The following EYS variants were observed in gnomAD, a reference collection of about 807,000 sequenced individuals.
EYS encodes protein eyes shut homolog.
EYS carries 250 observed loss-of-function variants against 282.1 expected under a neutral mutation model. The ratio of observed to expected loss-of-function variants is 0.89; its 90% CI spans 0.80 to 0.98. The LOEUF is 0.98. Among genes scored for constraint, EYS ranks in the 50% least tolerant of loss-of-function variants. The pLI is 0.00. For missense variants in EYS, 4,016 were observed against 3,709.0 expected, an observed-to-expected ratio of 1.08 and a Z score of -2.15; for synonymous variants, 1,355 against 1,282.9, an observed-to-expected ratio of 1.06 and a Z score of -1.20.
chr6:65,368,442 A>G (rs1765004780), intron 8 of EYS, among the ~76,000 whole-genome samples: 2 of 151,632 alleles, frequency 1.3e-5, no homozygotes, highest in Non-Finnish European at 2.9e-5. Context: ...TTTGCTGCCT[A>G]GGAAAGAACA....
At chr6:64,615,611 C>T (rs901601472) in intron 24 of EYS, among the ~76,000 whole-genome samples, 2 of 151,990 alleles carry the variant, frequency 1.3e-5, no homozygotes, top group Admixed American at 1.3e-4. Context: ...AATAACATTT[C>T]AATGTTAAAA....
chr6:65,410,177 T>C lies in EYS; in HGVS notation c.863-4810A>G, dbSNP rs186010394. Among the ~76,000 whole-genome samples, 9 of 152,208 alleles carry C rather than the reference T, an allele frequency of 5.9e-5. 1 individual carries two copies. Among genetic ancestry groups the C allele is most frequent in the African/African-American group, 2.2e-4 (9 of 41,576 alleles). On this transcript the variant is annotated intron_variant, in intron 5 of 42. Transcript: ENST00000503581. Reference sequence around the variant, plus strand: ...AAGTATGTAATTCTTGGCATTTCCATAGTGCTTACATCCATAAAGATTTGA... The same window carrying C: ...AAGTATGTAATTCTTGGCATTTCCACAGTGCTTACATCCATAAAGATTTGA...
At chr6:64,940,580 A>G (rs1430027067) in intron 15 of EYS, among the ~76,000 whole-genome samples, 1 of 152,094 alleles carries the variant, frequency 6.6e-6, no homozygotes, top group Non-Finnish European at 1.5e-5. Flanking sequence ...GTGTTCATAC[A>G]TCAACTTACT....
At chr6:64,253,114 T>G (rs1394544695) in intron 30 of EYS, among the ~76,000 whole-genome samples, 1 of 152,158 alleles carries the variant, frequency 6.6e-6, no homozygotes, top group Non-Finnish European at 1.5e-5. Flanking sequence ...ATACACATGG[T>G]TTAGCTTCTG....
intron 2 of EYS, among the ~76,000 whole-genome samples, chr6:65,503,280 T>C (rs945624662): frequency 6.6e-6 from 1 of 151,614 alleles, no homozygotes; most frequent in African/African-American, 2.4e-5. Context: ...GGTTGAATTG[T>C]CTATTCAGAT....
intron 12 of EYS, among the ~76,000 whole-genome samples, chr6:65,158,159 AC>A (rs1262229996): frequency 6.6e-6 from 1 of 150,908 alleles, no homozygotes; most frequent in Non-Finnish European, 1.5e-5. Flanking sequence ...GTTGTCTACA[AC>A]ATACAATCAC....
rs146772814 is a variant in EYS at position 64,680,327 on chromosome 6, A to T, written c.3444-54082T>A. 7.7e-4 allele frequency among the ~76,000 whole-genome samples: 117 copies of T among 152,332 alleles called. No homozygotes were observed. In the East Asian group the frequency reaches 0.015, roughly 20 times the overall value. Reference sequence around the variant, plus strand: ...CATAACTGGTAAAAACTATAACAAAATGATCATTTTATGTTCTACAGGCAG... The same window carrying T: ...CATAACTGGTAAAAACTATAACAAATTGATCATTTTATGTTCTACAGGCAG... On this transcript the variant is annotated intron_variant, in intron 22 of 42. Transcript: ENST00000503581.
At chr6:64,081,805 A>C (rs1301889285) in intron 32 of EYS, 51 bp downstream of exon 32, 2 of 1,329,368 alleles carry the variant, frequency 1.5e-6, no homozygotes, top group East Asian at 5.3e-5. Context: ...CAATAGATCA[A>C]CGTTTGAGAA....
At chr6:64,105,272 A>G (rs1772970139) in intron 31 of EYS, among the ~76,000 whole-genome samples, 1 of 152,140 alleles carries the variant, frequency 6.6e-6, no homozygotes, top group African/African-American at 2.4e-5. Flanking sequence ...TGCTCTCAAA[A>G]GCACTATTAT....
chr6:65,413,231 A>G (rs2150371331), intron 5 of EYS, among the ~76,000 whole-genome samples: 1 of 152,296 alleles, frequency 6.6e-6, no homozygotes, highest in East Asian at 1.9e-4. Flanking sequence ...GAAGCAATTA[A>G]AATAATACTT....
intron 2 of EYS, among the ~76,000 whole-genome samples, chr6:65,508,469 C>T (rs1022123507): frequency 2.0e-5 from 3 of 151,682 alleles, no homozygotes; most frequent in Admixed American, 6.6e-5. Flanking sequence ...GTCAGGAGAT[C>T]GAGACCATCC....
chr6:65,439,037 T>C (rs1768196814), intron 5 of EYS, among the ~76,000 whole-genome samples: 1 of 152,146 alleles, frequency 6.6e-6, no homozygotes, highest in South Asian at 2.1e-4. Flanking sequence ...TTGTATAAGG[T>C]GTAAGGAAGG....
At chr6:64,100,756 A>C (rs2150258792) in intron 31 of EYS, among the ~76,000 whole-genome samples, 2 of 152,278 alleles carry the variant, frequency 1.3e-5, no homozygotes, top group East Asian at 3.9e-4. Flanking sequence ...TGAACCTTAC[A>C]TGAGAGAAGG....
chr6:65,196,260 T>C (rs1765764258), intron 12 of EYS, among the ~76,000 whole-genome samples: 1 of 151,986 alleles, frequency 6.6e-6, no homozygotes, highest in South Asian at 2.1e-4. Context: ...TTTAATAGGA[T>C]TCACTTAAGG....
rs1774858222 is a variant in EYS, at chr6:64,439,330, A to G, written c.5667T>C (p.Tyr1889=). Residue 1889 remains tyrosine, a synonymous_variant, in exon 27 of 43, where the codon TAT becomes TAC. Transcript: ENST00000503581. ...MISDFSCVRY[Y]GDSYLEFQNV... ...TCTGAAATTCTAGATAAGAATCTCC[A>G]TAATAACGAACACAACTGAAATCTG... The G allele has an allele frequency of 1.3e-6, 2 of 1,508,780 alleles. No homozygotes were observed. The highest frequency in any genetic ancestry group is 1.4e-5 in the African/African-American group (1 of 70,230). 93.5% of individuals were successfully genotyped at this position (1,508,780 alleles called of 1,614,324 possible).
chr6:65,275,930 A>G (rs1768033536), intron 12 of EYS, among the ~76,000 whole-genome samples: 1 of 152,176 alleles, frequency 6.6e-6, no homozygotes, highest in African/African-American at 2.4e-5. Flanking sequence ...CCATGCACTT[A>G]CCAAATACCT....
intron 2 of EYS, among the ~76,000 whole-genome samples, chr6:65,584,302 C>T (rs1764967232): frequency 1.3e-5 from 2 of 151,982 alleles, no homozygotes; most frequent in African/African-American, 2.4e-5. Context: ...GTGGGAAGGG[C>T]GTTAGGGCTG....
intron 35 of EYS, among the ~76,000 whole-genome samples, chr6:63,882,362 C>T (rs897781745): frequency 4.6e-5 from 7 of 152,158 alleles, no homozygotes; most frequent in South Asian, 2.1e-4. Flanking sequence ...ACTGTCACAT[C>T]GCATTTGGTT....
intron 40 of EYS, among the ~76,000 whole-genome samples, chr6:63,765,418 G>A (rs907459354): frequency 2.6e-5 from 4 of 151,916 alleles, no homozygotes; most frequent in Non-Finnish European, 2.9e-5. Flanking sequence ...AGATTTGCCC[G>A]TATAAATGTA....
Sources: allele counts gnomAD v4.1 joint callset (sites outside exome capture counted in the v4.1 genomes callset), GRCh38; gene constraint gnomAD v4.1.1; transcripts MANE v1.5; gene names NCBI Gene and HGNC (gene_info 2026-07-23, HGNC 2026-07-21).